Variants in ARID5B observed in about 807,000 individuals in gnomAD.
ARID5B encodes AT-rich interaction domain 5B, also known as AT-rich interactive domain-containing protein 5B.
A neutral mutation model predicts 97.2 loss-of-function variants in ARID5B; 13 were observed. The ratio of observed to expected loss-of-function variants is 0.13; its 90% confidence interval spans 0.09 to 0.21. ARID5B has a LOEUF of 0.21. ARID5B is among the 10% of genes least tolerant of loss of function. ARID5B has a pLI of 1.00. For missense variants in ARID5B, 1,210 were observed against 1,465.3 expected, an observed-to-expected ratio of 0.83 and a Z score of 2.84; for synonymous variants, 556 against 570.3, an observed-to-expected ratio of 0.97 and a Z score of 0.36.
intron 4 of ARID5B, among the ~76,000 whole-genome samples, chr10:62,034,361 A>C (rs1008987099): frequency 6.6e-6 from 1 of 152,196 alleles, no homozygotes; most frequent in Non-Finnish European, 1.5e-5. Flanking sequence ...ACATGATTGC[A>C]TCTCAGTTTA....
chr10:61,972,425 C>T (rs983402130), intron 3 of ARID5B, among the ~76,000 whole-genome samples: 5 of 151,988 alleles, frequency 3.3e-5, no homozygotes, highest in African/African-American at 1.2e-4. Context: ...GATGGGGTTT[C>T]ACCATGTTGG....
chr10:62,057,462 G>A (rs992144475), intron 6 of ARID5B, 144 bp downstream of exon 6: 16 of 893,340 alleles, frequency 1.8e-5, no homozygotes, highest in Admixed American at 1.7e-4. Context: ...AAATGTTCCA[G>A]GCCAAGAATT....
chr10:62,065,267 C>T lies in ARID5B; in HGVS notation c.1102-4433C>T, dbSNP rs188769103. Among the ~76,000 whole-genome samples, 120 of 152,274 alleles carry T rather than the reference C, an allele frequency of 7.9e-4. 1 individual carries two copies. The highest frequency in any genetic ancestry group is 2.7e-3 in the African/African-American group (112 of 41,536). ...TTGTTTTACCTGGGTGTAGTCTGCT[C>T]AGTTTTTCATCTTGCGTTATGGTTA... On this transcript the variant is annotated intron_variant, in intron 7 of 9. Transcript: ENST00000279873.
intron 8 of ARID5B, among the ~76,000 whole-genome samples, chr10:62,070,341 T>C (rs2132954706): frequency 1.3e-5 from 2 of 152,334 alleles, no homozygotes; most frequent in East Asian, 3.9e-4. Flanking sequence ...ATGATGAGGA[T>C]GCAAACAAGA....
chr10:61,919,903 T>C (rs1843982525), intron 2 of ARID5B, among the ~76,000 whole-genome samples: 1 of 152,102 alleles, frequency 6.6e-6, no homozygotes, highest in Non-Finnish European at 1.5e-5. Flanking sequence ...GTCTAAAAAT[T>C]ATCAACAAGC....
At chr10:62,077,825 C>G (rs1374529271) in intron 8 of ARID5B, among the ~76,000 whole-genome samples, 2 of 152,172 alleles carry the variant, frequency 1.3e-5, no homozygotes, top group African/African-American at 4.8e-5. Context: ...AAGCATGCCA[C>G]TGCACAAACA....
intron 4 of ARID5B, among the ~76,000 whole-genome samples, chr10:62,023,828 C>T (rs1481864598): frequency 6.6e-6 from 1 of 152,152 alleles, no homozygotes; most frequent in Non-Finnish European, 1.5e-5. Context: ...CTGAACTGTG[C>T]CCTAGGCACA....
At chr10:61,901,771 C>T (rs1564595524) in intron 1 of ARID5B, 41 bp downstream of exon 1, 8 of 1,602,868 alleles carry the variant, frequency 5.0e-6, no homozygotes, top group East Asian at 2.2e-5. Context: ...CGGCACCCCC[C>T]GGCACCCCCC....
chr10:61,951,327 G>T (rs543915441), intron 3 of ARID5B, among the ~76,000 whole-genome samples: 51 of 152,294 alleles, frequency 3.3e-4, no homozygotes, highest in African/African-American at 1.1e-3. Flanking sequence ...TTCATTTGGT[G>T]TGCTTGGATG....
intron 2 of ARID5B, among the ~76,000 whole-genome samples, chr10:61,907,909 C>T (rs1008637354): frequency 1.3e-5 from 2 of 152,182 alleles, no homozygotes; most frequent in Non-Finnish European, 2.9e-5. Context: ...TTAAGAAAAA[C>T]GTTGCTGACC....
intron 8 of ARID5B, among the ~76,000 whole-genome samples, chr10:62,083,733 A>G (rs12250063): frequency 0.017 from 2,636 of 152,342 alleles, 78 homozygotes; most frequent in African/African-American, 0.06. Flanking sequence ...ATTAAAGTCA[A>G]TTTAAAATAT....
intron 5 of ARID5B, among the ~76,000 whole-genome samples, chr10:62,051,860 A>G (rs893994511): frequency 3.3e-5 from 5 of 152,148 alleles, no homozygotes; most frequent in Non-Finnish European, 7.4e-5. Flanking sequence ...TCCAGATCAA[A>G]TAACTAAACT....
chr10:61,949,649 C>A (rs767706450), intron 3 of ARID5B, among the ~76,000 whole-genome samples: 14 of 152,110 alleles, frequency 9.2e-5, no homozygotes, highest in East Asian at 1.9e-4. Flanking sequence ...ACCACCCCCC[C>A]ACGCCCCCAC....
chr10:62,012,448 T>C (rs10821941), intron 4 of ARID5B, among the ~76,000 whole-genome samples: 13,509 of 152,228 alleles, frequency 0.089, 948 homozygotes, highest in African/African-American at 0.18. Context: ...CATTTGAGCC[T>C]GGTATGCCAA....
intron 3 of ARID5B, among the ~76,000 whole-genome samples, chr10:61,996,062 T>A (rs552433505): frequency 2.0e-5 from 3 of 152,304 alleles, no homozygotes; most frequent in Admixed American, 2.0e-4. Flanking sequence ...AGGAGGTTGA[T>A]GAAAGGTAGG....
chr10:62,076,480 G>A (rs1360495627), intron 8 of ARID5B, among the ~76,000 whole-genome samples: 1 of 146,796 alleles, frequency 6.8e-6, no homozygotes, highest in Admixed American at 7.0e-5. Flanking sequence ...CGGGATGGCT[G>A]AATATGGGAA....
chr10:62,051,188 G>T, intron 5 of ARID5B, 188 bp downstream of exon 5: 3 of 663,860 alleles, frequency 4.5e-6, no homozygotes, highest in Non-Finnish European at 8.1e-6. Context: ...GCCGTGGGCT[G>T]GGGGAGGTAG....
intron 3 of ARID5B, among the ~76,000 whole-genome samples, chr10:61,953,303 A>G (rs1838348583): frequency 6.6e-6 from 1 of 152,230 alleles, no homozygotes; most frequent in Non-Finnish European, 1.5e-5. Context: ...AGAGCTGATA[A>G]TAAGGCAGAG....
intron 4 of ARID5B, among the ~76,000 whole-genome samples, chr10:62,009,814 T>C (rs998765281): frequency 2.0e-5 from 3 of 152,042 alleles, no homozygotes; most frequent in Non-Finnish European, 4.4e-5. Context: ...AGTTAAAAGA[T>C]CCATAAAAGA....
Sources: allele counts gnomAD v4.1 joint callset (sites outside exome capture counted in the v4.1 genomes callset), GRCh38; gene constraint gnomAD v4.1.1; transcripts MANE v1.5; gene names NCBI Gene and HGNC (gene_info 2026-07-23, HGNC 2026-07-21).